Variants in SLC35F5 observed in about 807,000 individuals in gnomAD.
SLC35F5 encodes the protein solute carrier family 35 member F5.
A neutral mutation model predicts 68.6 loss-of-function variants in SLC35F5; 54 were observed. The ratio of observed to expected loss-of-function variants is 0.79; its 90% CI spans 0.63 to 0.99. The LOEUF is 0.99. Among genes scored for constraint, SLC35F5 ranks in the 50% least tolerant of loss-of-function variants. The probability of loss-of-function intolerance (pLI) is 0.00; values close to 1 mark genes in which losing one functional copy is unlikely to be tolerated. For synonymous variants in SLC35F5, 211 were observed against 205.2 expected (o/e 1.03, Z -0.24); for missense variants, 567 against 626.9 (o/e 0.90, Z 1.02).
intron 11 of SLC35F5, 113 bp downstream of exon 11, chr2:113,729,288 A>G (rs1475808033): frequency 3.5e-6 from 2 of 575,456 alleles, no homozygotes; most frequent in Non-Finnish European, 6.1e-6. Context: ...AATGGTTTTA[A>G]AGAATCATAC....
chr2:113,717,947 A>G (rs1400774086), intron 14 of SLC35F5, 97 bp from the exon 15 acceptor site: 5 of 772,306 alleles, frequency 6.5e-6, no homozygotes, highest in Non-Finnish European at 8.2e-6. Flanking sequence ...TGTGGACAGG[A>G]TGCAAGTCAG....
chr2:113,754,084 GT>G (rs1283319695), intron 3 of SLC35F5, among the ~76,000 whole-genome samples: 2 of 152,078 alleles, frequency 1.3e-5, no homozygotes, highest in Non-Finnish European at 2.9e-5. Context: ...GAGGTCAGGA[GT>G]TTGAGACCAT....
At chr2:113,755,074 A>C (rs559693820) in intron 3 of SLC35F5, 91 bp downstream of exon 3, 3 of 1,310,800 alleles carry the variant, frequency 2.3e-6, no homozygotes, top group South Asian at 2.9e-5. Context: ...GCTTTTAGAA[A>C]GCAGGAGATT....
chr2:113,732,426 T>C (rs1379272515), intron 9 of SLC35F5, among the ~76,000 whole-genome samples: 1 of 149,206 alleles, frequency 6.7e-6, no homozygotes, highest in Non-Finnish European at 1.5e-5. Flanking sequence ...TATTGCTAAT[T>C]AAAAAAAAAA....
chr2:113,738,667 A>G (rs944292047), intron 7 of SLC35F5, among the ~76,000 whole-genome samples: 2 of 151,966 alleles, frequency 1.3e-5, no homozygotes, highest in Admixed American at 1.3e-4. Context: ...CAGAAAAAAA[A>G]AAAACAACCT....
At position 113,711,545 on chromosome 2, in the gene SLC35F5, CTA is replaced by C. The variant is rs1304365334; in HGVS notation, c.*3671_*3672del. On this transcript the variant is annotated 3_prime_UTR_variant, in exon 16 of 16. Transcript: ENST00000245680. ...AATGTGGTGTCTAAAAATTGCAAGT[CTA>C]TGTGAAAAATCAACCTCAATTTATC... Among the ~76,000 whole-genome samples the C allele has an allele frequency of 6.6e-6, 1 of 152,096 alleles. No homozygotes were observed. The highest frequency in any genetic ancestry group is 2.4e-5 in the African/African-American group (1 of 41,408).
intron 13 of SLC35F5, among the ~76,000 whole-genome samples, chr2:113,722,318 A>G (rs1687476249): frequency 6.6e-6 from 1 of 152,178 alleles, no homozygotes; most frequent in South Asian, 2.1e-4. Context: ...TATTGCTTGT[A>G]CACATTATAA....
chr2:113,745,030 C>CA lies in SLC35F5; in HGVS notation c.481-1237dup, dbSNP rs200350387. Among the ~76,000 whole-genome samples, 531 of 151,126 alleles carry CA rather than the reference C, an allele frequency of 3.5e-3. 10 individuals carry two copies. The highest frequency in any genetic ancestry group is 0.012 in the African/African-American group (509 of 41,284). ...TCCTGGTACAGAGCTCTACCAACAACAAAAAAAAATTCAGTAAATGAAGGG... is the reference window on the plus strand; with the variant it reads ...TCCTGGTACAGAGCTCTACCAACAACAAAAAAAAAATTCAGTAAATGAAGGG... On this transcript the variant is annotated intron_variant, in intron 5 of 15. Transcript: ENST00000245680.
chr2:113,737,274 T>C (rs1163683282), intron 7 of SLC35F5, among the ~76,000 whole-genome samples: 3 of 152,238 alleles, frequency 2.0e-5, no homozygotes, highest in Non-Finnish European at 4.4e-5. Flanking sequence ...ACACAGCAGA[T>C]GGCTGAGAGC....
chr2:113,735,966 A>T, intron 7 of SLC35F5, 108 bp from the exon 8 acceptor site: 1 of 652,978 alleles, frequency 1.5e-6, no homozygotes, highest in Non-Finnish European at 2.6e-6. Flanking sequence ...CGTTCTCACA[A>T]GATGTTTTAA....
At chr2:113,756,040 C>T in intron 1 of SLC35F5, 1 of 1,473,120 alleles carries the variant, frequency 6.8e-7, no homozygotes, top group Non-Finnish European at 9.0e-7. Flanking sequence ...CATGCTCCTC[C>T]ACCCACCTCT....
At chr2:113,715,529 C>T (rs1687145485) in intron 15 of SLC35F5, among the ~76,000 whole-genome samples, 1 of 152,146 alleles carries the variant, frequency 6.6e-6, no homozygotes, top group African/African-American at 2.4e-5. Context: ...TCACTCTCTC[C>T]TTTACACAGC....
At chr2:113,742,511 G>A (rs1438253784) in intron 7 of SLC35F5, 181 bp downstream of exon 7, 1 of 610,464 alleles carries the variant, frequency 1.6e-6, no homozygotes, top group African/African-American at 1.8e-5. Context: ...AACTCTTTGA[G>A]GTATATCAAG....
At chr2:113,721,042 GCTTT>G (rs1335429996) in intron 13 of SLC35F5, among the ~76,000 whole-genome samples, 2 of 152,106 alleles carry the variant, frequency 1.3e-5, no homozygotes, top group Non-Finnish European at 2.9e-5. Flanking sequence ...GATCAAGGAT[GCTTT>G]CTATTATATA....
Position 113,713,749 on chromosome 2 carries a change from TAAAAAAA to T in SLC35F5, c.*1462_*1468del, listed in dbSNP as rs879896652. The T allele has an allele frequency of 7.1e-5, 7 of 98,504 alleles. No individual in the cohort carries two copies. The highest frequency in any genetic ancestry group is 1.3e-4 in the Non-Finnish European group (6 of 47,314). 6.1% of individuals were successfully genotyped at this position (98,504 alleles called of 1,614,324 possible). ...TTTTTGCCACTTTGGGCTGGATGAT[TAAAAAAA>T]AAAAAAAAAAAAAAGAGAGCTGTTT... On this transcript the variant is annotated 3_prime_UTR_variant, in exon 16 of 16. Transcript: ENST00000245680.
chr2:113,734,455 G>A lies in SLC35F5; in HGVS notation c.920+131C>T. 5.0e-6 allele frequency: 3 copies of A among 597,916 alleles called. No individual in the cohort carries two copies. In the South Asian group the frequency reaches 6.6e-5, roughly 13 times the overall value. 37.0% of individuals were successfully genotyped at this position (597,916 alleles called of 1,614,324 possible). On this transcript the variant is annotated intron_variant, in intron 9 of 15. Transcript: ENST00000245680. Reference sequence around the variant, plus strand: ...ATGTGACAGGGCTAAGTAGCATCATGTCCACTTAAAGCCTTCTTTTATCCA... The same window carrying A: ...ATGTGACAGGGCTAAGTAGCATCATATCCACTTAAAGCCTTCTTTTATCCA...
rs2104472251 is a variant in SLC35F5, at chr2:113,746,306, T to C, written c.451A>G (p.Thr151Ala). ...ADAEGYFAAC[T>A]TDTTMNSSLS... is the part of the protein sequence containing the mutation. ...GAACTATTCATAGTTGTATCTGTTG[T>C]GCAAGCAGCAAAGTAACCTTCAGCA... The change falls in exon 5 of 16, where the codon ACA (threonine) becomes GCA (alanine). Residue 151 changes from threonine (T) to alanine (A), a missense_variant. By Grantham distance (58) the Thr-to-Ala change is moderately conservative (BLOSUM62 0). Coordinates refer to ENST00000245680, the MANE Select transcript of SLC35F5 (RefSeq NM_025181.5). 1.2e-6 allele frequency: 2 copies of C among 1,613,494 alleles called. No homozygotes were observed. Among genetic ancestry groups the C allele is most frequent in the Non-Finnish European group, 1.7e-6 (2 of 1,179,818 alleles).
At chr2:113,755,804 A>T in intron 1 of SLC35F5, 2 of 1,514,624 alleles carry the variant, frequency 1.3e-6, no homozygotes, top group Non-Finnish European at 1.8e-6. Context: ...AGAACAGTTA[A>T]CTACCAGAAA....
rs183706422 is a variant in SLC35F5 at position 113,750,173 on chromosome 2, G to A, written c.417+252C>T. On this transcript the variant is annotated intron_variant, in intron 4 of 15. Transcript: ENST00000245680. ...CTTCATTGCCACATTAATTGATTTG[G>A]GCTAATTCAAGAATTTTTAACAACT... Among the ~76,000 whole-genome samples, 303 of 151,980 alleles carry A rather than the reference G, an allele frequency of 2.0e-3. 3 individuals carry two copies. Among genetic ancestry groups the A allele is most frequent in the Non-Finnish European group, 3.8e-3 (257 of 67,976 alleles).
Sources: gnomAD v4.1 joint callset for allele counts (sites outside exome capture counted in the v4.1 genomes callset) on GRCh38, gnomAD v4.1.1 for gene constraint, MANE v1.5 for transcripts, NCBI Gene and HGNC (gene_info 2026-07-23, HGNC 2026-07-21) for gene names.